The following HDAC4 variants were observed in gnomAD, a reference collection of about 807,000 sequenced individuals.
HDAC4 encodes histone deacetylase A.
A neutral mutation model predicts 135.1 loss-of-function variants in HDAC4; 16 were observed. The ratio of observed to expected loss-of-function variants is 0.12; its 90% confidence interval spans 0.08 to 0.18. The LOEUF (loss-of-function observed/expected upper bound fraction) is 0.18. HDAC4 is among the 10% of genes least tolerant of loss of function. HDAC4 has a pLI of 1.00. For missense variants in HDAC4, 1,143 were observed against 1,511.8 expected (o/e 0.76, Z 4.05); for synonymous variants, 685 against 653.4 (o/e 1.05, Z -0.74).
intron 2 of HDAC4, among the ~76,000 whole-genome samples, chr2:239,242,761 T>G (rs989042403): frequency 5.3e-5 from 8 of 152,256 alleles, no homozygotes; most frequent in African/African-American, 1.7e-4. Flanking sequence ...TATTGCTTGC[T>G]GCAGGTGTCC....
chr2:239,271,687 A>G (rs906088582), intron 2 of HDAC4, among the ~76,000 whole-genome samples: 4 of 152,232 alleles, frequency 2.6e-5, no homozygotes, highest in Admixed American at 2.6e-4. Flanking sequence ...CTGCTGAGTG[A>G]GAGTCCAGTT....
chr2:239,049,401 A>G lies in HDAC4; in HGVS notation c.*3696T>C, dbSNP rs2030471574. ...GGCGTGCAAAATCTGTATACAATATAAAGTCATGCCGGTCGTACAGTCCAT... is the reference window on the plus strand; with the variant it reads ...GGCGTGCAAAATCTGTATACAATATGAAGTCATGCCGGTCGTACAGTCCAT... On this transcript the variant is annotated 3_prime_UTR_variant, in exon 27 of 27. Transcript: ENST00000543185. 6.6e-6 allele frequency: 1 copy of G among 152,484 alleles called. No individual in the cohort carries two copies. Among genetic ancestry groups the G allele is most frequent in the Non-Finnish European group, 1.5e-5 (1 of 68,000 alleles). The allele number at this position is 152,484 out of a possible 1,614,324, so 9.4% of individuals were successfully genotyped here.
At chr2:239,074,089 AG>A (rs1348269472) in intron 22 of HDAC4, among the ~76,000 whole-genome samples, 3 of 149,570 alleles carry the variant, frequency 2.0e-5, no homozygotes, top group East Asian at 3.9e-4. Flanking sequence ...CACAGGACTG[AG>A]GGGGGCCGCA....
chr2:239,163,394 T>C (rs2042932289), intron 6 of HDAC4, among the ~76,000 whole-genome samples: 1 of 152,192 alleles, frequency 6.6e-6, no homozygotes, highest in Non-Finnish European at 1.5e-5. Flanking sequence ...TCGGTCCCTC[T>C]GCAGGGGGGC....
At chr2:239,101,855 T>A (rs2037673527) in intron 16 of HDAC4, among the ~76,000 whole-genome samples, 1 of 150,674 alleles carries the variant, frequency 6.6e-6, no homozygotes, top group African/African-American at 2.5e-5. Flanking sequence ...CGGGTCCGGG[T>A]TCTGTGCCCT....
intron 2 of HDAC4, among the ~76,000 whole-genome samples, chr2:239,274,278 G>A (rs1474206585): frequency 6.6e-6 from 1 of 152,206 alleles, no homozygotes; most frequent in African/African-American, 2.4e-5. Context: ...CACCCTCCCA[G>A]CTCATTCAGA....
intron 1 of HDAC4, among the ~76,000 whole-genome samples, chr2:239,358,065 A>T (rs1213262791): frequency 2.0e-5 from 3 of 152,178 alleles, no homozygotes; most frequent in African/African-American, 7.2e-5. Context: ...CTGGAGAGAG[A>T]CACATATCAA....
chr2:239,391,266 G>A (rs748813757), intron 1 of HDAC4, among the ~76,000 whole-genome samples: 5 of 152,222 alleles, frequency 3.3e-5, no homozygotes, highest in Non-Finnish European at 7.3e-5. Context: ...GCTTTCAAGA[G>A]TCTAATCTCT....
Position 239,327,321 on chromosome 2 carries a change from G to A in HDAC4, c.22+25357C>T, listed in dbSNP as rs79281441. 7.6e-3 allele frequency among the ~76,000 whole-genome samples: 1,154 copies of A among 152,226 alleles called. 10 individuals carry two copies. The highest frequency in any genetic ancestry group is 0.02 in the East Asian group (104 of 5,156). On this transcript the variant is annotated intron_variant, in intron 2 of 26. Coordinates refer to ENST00000543185, the MANE Select transcript of HDAC4 (RefSeq NM_001378414.1). ...TAAGGCAAGCCGGGGCCCGATGAAC[G>A]TTCCTCCCCTTCCCCAGGGGTTGGG...
intron 3 of HDAC4, among the ~76,000 whole-genome samples, chr2:239,211,816 C>T (rs1306714525): frequency 6.6e-6 from 1 of 152,190 alleles, no homozygotes; most frequent in Non-Finnish European, 1.5e-5. Flanking sequence ...ACTGATCATG[C>T]CTTTGCTTTC....
At chr2:239,319,167 CA>C (rs1213682953) in intron 2 of HDAC4, among the ~76,000 whole-genome samples, 5 of 152,078 alleles carry the variant, frequency 3.3e-5, no homozygotes, top group Non-Finnish European at 7.4e-5. Flanking sequence ...AAAGTAAGAG[CA>C]AAAAACCAGA....
At chr2:239,075,072 AAGTT>A (rs1346534985) in intron 22 of HDAC4, among the ~76,000 whole-genome samples, 1 of 151,768 alleles carries the variant, frequency 6.6e-6, no homozygotes, top group Non-Finnish European at 1.5e-5. Context: ...AAAATACAAA[AAGTT>A]AGCTGGGCGT....
At chr2:239,217,334 C>A (rs2153111964) in intron 3 of HDAC4, among the ~76,000 whole-genome samples, 1 of 152,270 alleles carries the variant, frequency 6.6e-6, no homozygotes, top group South Asian at 2.1e-4. Context: ...ACCTAAAATT[C>A]CTCGCATTTT....
In HDAC4 at chr2:239,068,618, CAGG is replaced by C. The variant is rs758869920; in HGVS notation, c.2751-14_2751-12del. On this transcript the variant is annotated splice_polypyrimidine_tract_variant and intron_variant, in intron 22 of 26. Transcript: ENST00000543185. The surrounding 1 kb of genome is among the most constrained non-coding windows in gnomAD (Gnocchi z 4.4). The stretch of plus-strand genomic sequence containing the variant: ...GGCATGACCACCGTTCTGCAAAGGA[CAGG>C]AGAAGGCGTTACTGGGTCAGCTGAA... 83 of 1,607,484 alleles carry C rather than the reference CAGG, an allele frequency of 5.2e-5. No homozygotes were observed. Among genetic ancestry groups the C allele is most frequent in the Non-Finnish European group, 6.4e-5 (75 of 1,174,244 alleles).
intron 1 of HDAC4, among the ~76,000 whole-genome samples, chr2:239,399,958 T>C (rs550554450): frequency 1.3e-5 from 2 of 152,378 alleles, no homozygotes; most frequent in East Asian, 1.9e-4. Flanking sequence ...AAATTTTTGA[T>C]GTGCATTAAA....
chr2:239,357,459 A>AG (rs1693565161), intron 1 of HDAC4, among the ~76,000 whole-genome samples: 1 of 151,920 alleles, frequency 6.6e-6, no homozygotes, highest in African/African-American at 2.4e-5. Flanking sequence ...ATAAGAAAAA[A>AG]AAAACAGTAA....
intron 2 of HDAC4, among the ~76,000 whole-genome samples, chr2:239,261,814 G>A (rs947300663): frequency 3.3e-5 from 5 of 152,116 alleles, no homozygotes; most frequent in Admixed American, 1.3e-4. Flanking sequence ...ACCTTCCCTC[G>A]CTCCTTAACA....
chr2:239,339,529 T>C (rs1373535891), intron 2 of HDAC4, among the ~76,000 whole-genome samples: 1 of 152,194 alleles, frequency 6.6e-6, no homozygotes, highest in African/African-American at 2.4e-5. Context: ...CCATGCTCTC[T>C]CGGGTGATGT....
intron 1 of HDAC4, among the ~76,000 whole-genome samples, chr2:239,358,701 T>C (rs1410953255): frequency 3.3e-5 from 5 of 152,374 alleles, no homozygotes; most frequent in Admixed American, 2.6e-4. Flanking sequence ...AGGTGTATTT[T>C]AGTCTTCCTC....
Sources: allele counts gnomAD v4.1 joint callset (sites outside exome capture counted in the v4.1 genomes callset), GRCh38; gene constraint gnomAD v4.1.1; non-coding constraint Gnocchi (gnomAD v3.1); transcripts MANE v1.5; gene names NCBI Gene and HGNC (gene_info 2026-07-23, HGNC 2026-07-21).